The following CHD9 variants were observed in gnomAD, a reference collection of about 807,000 sequenced individuals.
CHD9 encodes the protein ATP-dependent chromatin remodeler CHD9.
CHD9 carries 77 observed loss-of-function variants against 316.1 expected under a neutral mutation model. The observed-to-expected ratio is 0.24, with a 90% CI of 0.20 to 0.29. The LOEUF (loss-of-function observed/expected upper bound fraction) is 0.29, where lower values mean the gene tolerates loss of function less well. Among genes scored for constraint, CHD9 ranks in the 10% least tolerant of loss-of-function variants. The probability of loss-of-function intolerance (pLI) is 1.00; values close to 1 mark genes in which losing one functional copy is unlikely to be tolerated. For missense variants in CHD9, 2,763 were observed against 3,438.1 expected (o/e 0.80, Z 4.91); for synonymous variants, 1,129 against 1,158.3 (o/e 0.97, Z 0.51).
chr16:53,125,348 C>G (rs553595862), intron 1 of CHD9, among the ~76,000 whole-genome samples: 228 of 151,822 alleles, frequency 1.5e-3, no homozygotes, highest in African/African-American at 5.4e-3. Context: ...CTCAGCCTCC[C>G]GAGTAGCTGG....
chr16:53,157,835 A>G (rs2041628474), intron 2 of CHD9, among the ~76,000 whole-genome samples: 1 of 152,212 alleles, frequency 6.6e-6, no homozygotes, highest in African/African-American at 2.4e-5. Context: ...ATCAAAAACA[A>G]CTTAATAATC....
chr16:53,070,489 T>TTCCTCCCTTCCTTCCTTCCTTCC (rs1567306287), intron 1 of CHD9, among the ~76,000 whole-genome samples: 14 of 144,886 alleles, frequency 9.7e-5, no homozygotes, highest in African/African-American at 3.5e-4. Flanking sequence ...TCTTTCTTTC[T>TTCCTCCCTTCCTTCCTTCCTTCC]TTCCTTCCTT....
rs866408079 is a variant in CHD9, at chr16:53,204,136, G to A, written c.1453-5346G>A. On this transcript the variant is annotated intron_variant, in intron 2 of 38. Coordinates refer to ENST00000447540, the MANE Select transcript of CHD9 (RefSeq NM_001308319.2). ...TTATCTAGATAACGTGTGTGTGTGT[G>A]TGTGTGTGTGTGTATAACCTTCACC... Among the ~76,000 whole-genome samples the A allele has an allele frequency of 4.0e-3, 608 of 150,548 alleles. 4 individuals are homozygous for A. The highest frequency in any genetic ancestry group is 0.014 in the African/African-American group (582 of 41,040).
intron 1 of CHD9, among the ~76,000 whole-genome samples, chr16:53,100,820 C>G (rs1172743570): frequency 6.6e-6 from 1 of 152,214 alleles, no homozygotes; most frequent in African/African-American, 2.4e-5. Context: ...TGGCAAGTCA[C>G]TATAGGCCTC....
intron 19 of CHD9, 118 bp downstream of exon 19, chr16:53,255,897 A>G: frequency 3.3e-6 from 3 of 912,314 alleles, no homozygotes; most frequent in Non-Finnish European, 5.0e-6. Flanking sequence ...AAGATGCAGT[A>G]GGTAATGTAT....
At chr16:53,266,678 G>C (rs1432189307) in intron 20 of CHD9, among the ~76,000 whole-genome samples, 1 of 152,040 alleles carries the variant, frequency 6.6e-6, no homozygotes, top group Non-Finnish European at 1.5e-5. Flanking sequence ...TTATACCACA[G>C]CCCATAACAT....
chr16:53,096,024 A>T (rs2036345322), intron 1 of CHD9, among the ~76,000 whole-genome samples: 2 of 151,404 alleles, frequency 1.3e-5, no homozygotes, highest in Admixed American at 1.3e-4. Flanking sequence ...TTGGTGGAGC[A>T]GTGGGGGTCA....
At chr16:53,191,360 A>G (rs1223464204) in intron 2 of CHD9, among the ~76,000 whole-genome samples, 2 of 152,136 alleles carry the variant, frequency 1.3e-5, no homozygotes, top group Non-Finnish European at 2.9e-5. Flanking sequence ...TAACTGACAG[A>G]TATATACATA....
chr16:53,102,714 G>T (rs1298744959), intron 1 of CHD9, among the ~76,000 whole-genome samples: 3 of 152,094 alleles, frequency 2.0e-5, no homozygotes, highest in Non-Finnish European at 2.9e-5. Context: ...GCCAGGCATG[G>T]TGGTGCATGC....
At chr16:53,161,816 A>G (rs2041932194) in intron 2 of CHD9, among the ~76,000 whole-genome samples, 1 of 151,250 alleles carries the variant, frequency 6.6e-6, no homozygotes, top group Non-Finnish European at 1.5e-5. Flanking sequence ...GCAGTGGTAG[A>G]TCTCAGCTTA....
At chr16:53,183,589 A>T (rs1418385531) in intron 2 of CHD9, among the ~76,000 whole-genome samples, 3 of 152,206 alleles carry the variant, frequency 2.0e-5, no homozygotes, top group Admixed American at 6.5e-5. Context: ...GCAAAATAGT[A>T]GCTTTGGAGT....
At chr16:53,198,315 A>ATTTTTTT (rs34946383) in intron 2 of CHD9, among the ~76,000 whole-genome samples, 2 of 125,238 alleles carry the variant, frequency 1.6e-5, no homozygotes, top group African/African-American at 3.0e-5. Context: ...TAAGCATTCA[A>ATTTTTTT]TTTTTTTTTT....
chr16:53,260,549 T>C (rs916582447), intron 19 of CHD9, among the ~76,000 whole-genome samples: 1 of 152,212 alleles, frequency 6.6e-6, no homozygotes. Flanking sequence ...TGCTATTTCC[T>C]GTTGTCATTG....
intron 1 of CHD9, among the ~76,000 whole-genome samples, chr16:53,082,549 A>G (rs1245657262): frequency 6.6e-6 from 1 of 152,182 alleles, no homozygotes; most frequent in African/African-American, 2.4e-5. Flanking sequence ...CCTATTTTAA[A>G]TGCTTTTAAC....
intron 3 of CHD9, among the ~76,000 whole-genome samples, chr16:53,211,772 T>C (rs1326373141): frequency 1.3e-5 from 2 of 152,178 alleles, no homozygotes; most frequent in African/African-American, 4.8e-5. Context: ...ATTGTCATGT[T>C]GGAGGAAAAG....
intron 2 of CHD9, among the ~76,000 whole-genome samples, chr16:53,164,231 G>A (rs1005948166): frequency 5.3e-5 from 8 of 152,134 alleles, no homozygotes; most frequent in East Asian, 3.9e-4. Context: ...ATTCACAATC[G>A]TTTATCTATT....
chr16:53,089,121 A>AT (rs1464610014), intron 1 of CHD9, among the ~76,000 whole-genome samples: 6 of 151,264 alleles, frequency 4.0e-5, no homozygotes, highest in African/African-American at 1.5e-4. Flanking sequence ...CAAAAAAAAA[A>AT]AAATAATAAT....
chr16:53,193,339 C>G (rs2044628489), intron 2 of CHD9, among the ~76,000 whole-genome samples: 1 of 151,900 alleles, frequency 6.6e-6, no homozygotes, highest in Non-Finnish European at 1.5e-5. Flanking sequence ...GTCCCAGCTA[C>G]TCTGGAGGCT....
At chr16:53,178,712 C>G (rs1029236693) in intron 2 of CHD9, among the ~76,000 whole-genome samples, 5 of 152,144 alleles carry the variant, frequency 3.3e-5, no homozygotes, top group Non-Finnish European at 7.4e-5. Context: ...ATCGTCCTGC[C>G]TTGGCCTCCC....
Sources: allele counts gnomAD v4.1 joint callset (sites outside exome capture counted in the v4.1 genomes callset), GRCh38; gene constraint gnomAD v4.1.1; transcripts MANE v1.5; gene names NCBI Gene and HGNC (gene_info 2026-07-23, HGNC 2026-07-21).